Variants in VAV2 observed in about 807,000 individuals in gnomAD.
VAV2 encodes guanine nucleotide exchange factor VAV2.
Under a neutral mutation model 132.5 loss-of-function variants are expected in VAV2, and 67 were observed. That is an observed-to-expected ratio of 0.51 (90% confidence interval 0.42 to 0.62). The LOEUF (loss-of-function observed/expected upper bound fraction) is 0.62, where lower values mean the gene tolerates loss of function less well. Among genes scored for constraint, VAV2 ranks in the 20% least tolerant of loss-of-function variants. The probability of loss-of-function intolerance (pLI) is 0.00; values close to 1 mark genes in which losing one functional copy is unlikely to be tolerated. For synonymous variants in VAV2, 492 were observed against 443.5 expected, an observed-to-expected ratio of 1.11 and a Z score of -1.37; for missense variants, 938 against 1,153.6, an observed-to-expected ratio of 0.81 and a Z score of 2.71.
chr9:133,986,115 A>G (rs1309799898), intron 1 of VAV2, among the ~76,000 whole-genome samples: 1 of 152,238 alleles, frequency 6.6e-6, no homozygotes, highest in African/African-American at 2.4e-5. Flanking sequence ...TGTTAACAGC[A>G]AACGGAAACC....
intron 16 of VAV2, among the ~76,000 whole-genome samples, chr9:133,786,606 A>G (rs749992573): frequency 1.1e-4 from 16 of 152,242 alleles, no homozygotes; most frequent in African/African-American, 3.9e-4. Context: ...ACTTCTCTGA[A>G]GTAGAACAGT....
At chr9:133,849,497 C>CTGG (rs750670343) in intron 3 of VAV2, among the ~76,000 whole-genome samples, 1 of 152,176 alleles carries the variant, frequency 6.6e-6, no homozygotes, top group Non-Finnish European at 1.5e-5. Context: ...CTGGACCCTG[C>CTGG]GTCCCAGAGC....
At chr9:133,943,215 C>A (rs549250522) in intron 1 of VAV2, among the ~76,000 whole-genome samples, 2 of 152,286 alleles carry the variant, frequency 1.3e-5, no homozygotes, top group South Asian at 4.1e-4. Context: ...GGTCTGTGGT[C>A]GCTCTGGAGC....
intron 1 of VAV2, among the ~76,000 whole-genome samples, chr9:133,959,159 C>A (rs538161106): frequency 3.0e-4 from 46 of 152,324 alleles, no homozygotes; most frequent in African/African-American, 1.0e-3. Flanking sequence ...TCCATAGGCA[C>A]TAGAGATGGT....
intron 1 of VAV2, among the ~76,000 whole-genome samples, chr9:133,989,811 G>A (rs939560805): frequency 6.6e-6 from 1 of 152,244 alleles, no homozygotes; most frequent in Non-Finnish European, 1.5e-5. Context: ...TGAATGAACA[G>A]GCGGGGCTGT....
chr9:133,881,870 G>A (rs1235230004), intron 2 of VAV2, among the ~76,000 whole-genome samples: 3 of 152,206 alleles, frequency 2.0e-5, no homozygotes, highest in African/African-American at 4.8e-5. Context: ...ACTGGGGAGG[G>A]CGCAGATCAG....
At chr9:133,835,710 G>T (rs1031957100) in intron 3 of VAV2, among the ~76,000 whole-genome samples, 3 of 152,174 alleles carry the variant, frequency 2.0e-5, no homozygotes, top group Admixed American at 6.5e-5. Flanking sequence ...CAGCAGGGAC[G>T]CGCGGTCCGT....
In VAV2 at chr9:133,928,958, TACAATCACAGC is replaced by T. The variant is rs761438595; in HGVS notation, c.321+10134_321+10144del. On this transcript the variant is annotated intron_variant, in intron 2 of 29. Transcript: ENST00000371850. The surrounding 1 kb of genome is among the most constrained non-coding windows in gnomAD (Gnocchi z 5.4). ...CACCCACGTGCTCAAACGCGGCTGG[TACAATCACAGC>T]ACCACTCCCAGGAGCTTCCTCACGA... Among the ~76,000 whole-genome samples, 1 of 152,042 alleles carries T rather than the reference TACAATCACAGC, an allele frequency of 6.6e-6. No individual in the cohort carries two copies.
rs2810498 is a variant in VAV2 at position 133,903,730 on chromosome 9, C to A, written c.321+35373G>T. ...AAGCGTGGGCGTCACTGAAAAACAG[C>A]GTCAGAAAAAATTCTCAACAGGGGG... is the stretch of plus-strand genomic sequence containing the variant. On this transcript the variant is annotated intron_variant, in intron 2 of 29. Coordinates refer to ENST00000371850, the MANE Select transcript of VAV2 (RefSeq NM_001134398.2). Among the ~76,000 whole-genome samples, 445 of 151,954 alleles carry A rather than the reference C, an allele frequency of 2.9e-3. 1 individual carries two copies. The highest frequency in any genetic ancestry group is 0.01 in the African/African-American group (421 of 41,450).
chr9:133,789,200 G>A (rs1175265132), intron 14 of VAV2, 58 bp downstream of exon 14: 15 of 1,584,384 alleles, frequency 9.5e-6, no homozygotes, highest in African/African-American at 4.0e-5. Flanking sequence ...GGCTCCCTGG[G>A]AGGGAGAGCC....
rs952876668 is a variant in VAV2, at chr9:133,912,638, T to C, written c.321+26465A>G. 6.6e-6 allele frequency among the ~76,000 whole-genome samples: 1 copy of C among 152,118 alleles called. No homozygotes were observed. The highest frequency in any genetic ancestry group is 1.9e-4 in the East Asian group (1 of 5,178). On this transcript the variant is annotated intron_variant, in intron 2 of 29. Transcript: ENST00000371850. This position sits in a 1 kb window ranked among gnomAD's most constrained non-coding sequence, Gnocchi z 4.3. ...ACAAATTACACGTGTGATGCTCTTC[T>C]CCACGTGTGCACAGCACTCCCGAGG...
chr9:133,807,000 C>T (rs1296327601), intron 8 of VAV2, among the ~76,000 whole-genome samples: 1 of 152,232 alleles, frequency 6.6e-6, no homozygotes, highest in Admixed American at 6.5e-5. Flanking sequence ...ACATTCTCAG[C>T]GTCATCCGTG....
chr9:133,973,173 CT>C lies in VAV2; in HGVS notation c.204+18901del, dbSNP rs1173390953. 2.0e-5 allele frequency among the ~76,000 whole-genome samples: 3 copies of C among 152,214 alleles called. No individual in the cohort carries two copies. In the East Asian group the frequency reaches 5.8e-4, roughly 30 times the overall value. ...GGGCACAGGGGATCTGCAAGCCCCC[CT>C]GTCTGCACACAGTTGAAGAGACCTC... is the stretch of plus-strand genomic sequence containing the variant. On this transcript the variant is annotated intron_variant, in intron 1 of 29. Transcript: ENST00000371850.
At chr9:133,862,252 G>C (rs1837625789) in intron 2 of VAV2, among the ~76,000 whole-genome samples, 1 of 152,254 alleles carries the variant, frequency 6.6e-6, no homozygotes, top group East Asian at 1.9e-4. Flanking sequence ...AAAGGGACAG[G>C]TGGCTAGCAG....
At chr9:133,878,378 T>C (rs1426928208) in intron 2 of VAV2, among the ~76,000 whole-genome samples, 1 of 152,214 alleles carries the variant, frequency 6.6e-6, no homozygotes, top group African/African-American at 2.4e-5. Flanking sequence ...AACTGAGCAC[T>C]AAGATTGTTC....
intron 2 of VAV2, among the ~76,000 whole-genome samples, chr9:133,903,274 A>C (rs1361901897): frequency 6.6e-6 from 1 of 151,894 alleles, no homozygotes; most frequent in Non-Finnish European, 1.5e-5. Context: ...GTTCCAGTAC[A>C]TTTCGGTGGT....
chr9:133,943,575 G>C (rs949569587), intron 1 of VAV2, among the ~76,000 whole-genome samples: 18 of 152,184 alleles, frequency 1.2e-4, no homozygotes, highest in African/African-American at 4.3e-4. Flanking sequence ...CCACAGCAAG[G>C]GTCTGTCCCC....
chr9:133,858,932 G>C (rs141030495), intron 3 of VAV2, among the ~76,000 whole-genome samples: 16 of 152,332 alleles, frequency 1.1e-4, no homozygotes, highest in African/African-American at 3.6e-4. Flanking sequence ...CCCGACCTGA[G>C]AGGGAAGAGG....
Position 133,773,122 on chromosome 9 carries a change from C to T in VAV2, c.2136-1076G>A, listed in dbSNP as rs912795461. On this transcript the variant is annotated intron_variant, in intron 25 of 29. Coordinates refer to ENST00000371850, the MANE Select transcript of VAV2 (RefSeq NM_001134398.2). ...GGCAGAGCCTACTGCACACCCCACACCTAGGCTGGACAGCAGAGCCTACTG... is the reference window on the plus strand; with the variant it reads ...GGCAGAGCCTACTGCACACCCCACATCTAGGCTGGACAGCAGAGCCTACTG... Among the ~76,000 whole-genome samples the T allele has an allele frequency of 1.8e-3, 230 of 125,454 alleles. 2 individuals carry two copies. The highest frequency in any genetic ancestry group is 4.2e-3 in the Middle Eastern group (1 of 238). 82.3% of individuals were successfully genotyped at this position (125,454 alleles called of 152,430 possible). A position where few individuals can be genotyped will look rare whatever the true frequency, so the allele number is the denominator to read the frequency against.
Sources: allele counts gnomAD v4.1 joint callset (sites outside exome capture counted in the v4.1 genomes callset), GRCh38; gene constraint gnomAD v4.1.1; non-coding constraint Gnocchi (gnomAD v3.1); transcripts MANE v1.5; gene names NCBI Gene and HGNC (gene_info 2026-07-23, HGNC 2026-07-21).